Variants in DCLK1 observed in about 807,000 individuals in gnomAD.
DCLK1 encodes doublecortin like kinase 1.
A neutral mutation model predicts 86.2 loss-of-function variants in DCLK1; 16 were observed. The observed-to-expected ratio is 0.19, with a 90% CI of 0.13 to 0.28. The LOEUF is 0.28. Among genes scored for constraint, DCLK1 ranks in the 10% least tolerant of loss-of-function variants. The pLI, the probability that DCLK1 is intolerant of heterozygous loss-of-function variation, is 1.00. For synonymous variants in DCLK1, 369 were observed against 370.5 expected, an observed-to-expected ratio of 1.00 and a Z score of 0.05; for missense variants, 590 against 940.2, an observed-to-expected ratio of 0.63 and a Z score of 4.87.
At chr13:35,851,028 G>A (rs1035302023) in intron 6 of DCLK1, among the ~76,000 whole-genome samples, 8 of 152,152 alleles carry the variant, frequency 5.3e-5, no homozygotes, top group African/African-American at 1.4e-4. Context: ...CTTGATGCCC[G>A]TTGAGTTGCA....
At chr13:35,905,194 T>C (rs1874612831) in intron 4 of DCLK1, among the ~76,000 whole-genome samples, 1 of 152,172 alleles carries the variant, frequency 6.6e-6, no homozygotes, top group Non-Finnish European at 1.5e-5. Context: ...TTGTGGTTAG[T>C]CAAAGACCCC....
intron 16 of DCLK1, among the ~76,000 whole-genome samples, chr13:35,791,286 A>C (rs1431671088): frequency 6.6e-6 from 1 of 152,102 alleles, no homozygotes; most frequent in East Asian, 1.9e-4. Context: ...AAAAAAAAAA[A>C]AACCTCTGCA....
intron 3 of DCLK1, among the ~76,000 whole-genome samples, chr13:36,077,287 T>C (rs1173916984): frequency 6.6e-6 from 1 of 152,304 alleles, no homozygotes; most frequent in Non-Finnish European, 1.5e-5. Flanking sequence ...ACATAATTAT[T>C]TTCCAGCCTA....
Position 35,959,854 on chromosome 13 carries a change from C to CATGT in DCLK1, c.724-12398_724-12397insACAT, listed in dbSNP as rs1453302468. 1.6e-3 allele frequency among the ~76,000 whole-genome samples: 246 copies of CATGT among 149,408 alleles called. 2 individuals carry two copies. Among genetic ancestry groups the CATGT allele is most frequent in the African/African-American group, 5.7e-3 (230 of 40,436 alleles). Reference sequence around the variant, plus strand: ...TCATGAAAAAACCAATACAGCAAGTCGTGTGTGTGTGTGTGTGTGTGTGTG... The same window carrying CATGT: ...TCATGAAAAAACCAATACAGCAAGTCATGTGTGTGTGTGTGTGTGTGTGTGTGTG... On this transcript the variant is annotated intron_variant, in intron 3 of 16. Transcript: ENST00000360631.
intron 7 of DCLK1, among the ~76,000 whole-genome samples, chr13:35,838,147 G>C (rs760412687): frequency 4.6e-5 from 7 of 151,668 alleles, no homozygotes; most frequent in Non-Finnish European, 1.0e-4. Context: ...TTCATTCAAA[G>C]GATACAAAAC....
chr13:35,970,604 A>G (rs1879015678), intron 3 of DCLK1, among the ~76,000 whole-genome samples: 1 of 152,138 alleles, frequency 6.6e-6, no homozygotes. Flanking sequence ...CCATGTGAAG[A>G]ATAGTGTTCC....
chr13:35,957,330 C>T (rs1485261660), intron 3 of DCLK1, among the ~76,000 whole-genome samples: 1 of 152,108 alleles, frequency 6.6e-6, no homozygotes, highest in Non-Finnish European at 1.5e-5. Context: ...TTTAAAGCAA[C>T]TCATTGTTCT....
chr13:35,899,280 T>TGA (rs1292105348), intron 4 of DCLK1, among the ~76,000 whole-genome samples: 4 of 151,552 alleles, frequency 2.6e-5, no homozygotes, highest in Non-Finnish European at 5.9e-5. Flanking sequence ...GATAATAATA[T>TGA]GAGAGAGAGA....
intron 3 of DCLK1, among the ~76,000 whole-genome samples, chr13:36,048,930 T>C (rs1322075467): frequency 1.3e-5 from 2 of 152,180 alleles, no homozygotes; most frequent in Non-Finnish European, 2.9e-5. Context: ...ATCTATCCAG[T>C]AGCATTGCTG....
intron 3 of DCLK1, among the ~76,000 whole-genome samples, chr13:35,983,129 A>G (rs901587572): frequency 1.3e-5 from 2 of 150,662 alleles, no homozygotes; most frequent in Admixed American, 1.3e-4. Flanking sequence ...CTTTATTATT[A>G]TTATTATTAT....
chr13:36,121,176 G>GTCAGTAAAAGACT (rs1026099601), intron 2 of DCLK1, among the ~76,000 whole-genome samples: 1 of 152,182 alleles, frequency 6.6e-6, no homozygotes, highest in Non-Finnish European at 1.5e-5. Context: ...GTACTATGAA[G>GTCAGTAAAAGACT]TCAGTAAAAG....
intron 4 of DCLK1, among the ~76,000 whole-genome samples, chr13:35,878,406 C>T (rs569102204): frequency 6.6e-6 from 1 of 152,128 alleles, no homozygotes; most frequent in South Asian, 2.1e-4. Flanking sequence ...CATCCTACTG[C>T]CTGTGGGGTT....
chr13:35,803,710 T>G (rs1052077689), intron 15 of DCLK1, among the ~76,000 whole-genome samples: 1 of 152,220 alleles, frequency 6.6e-6, no homozygotes, highest in African/African-American at 2.4e-5. Context: ...AAGCTTTTGT[T>G]GTTTTGGAAA....
intron 16 of DCLK1, among the ~76,000 whole-genome samples, chr13:35,792,181 G>A (rs911920401): frequency 6.6e-6 from 1 of 152,192 alleles, no homozygotes; most frequent in Non-Finnish European, 1.5e-5. Flanking sequence ...TTACACATGT[G>A]CCAGTTGCTC....
chr13:35,946,415 G>A (rs1877383577), intron 4 of DCLK1, among the ~76,000 whole-genome samples: 1 of 152,198 alleles, frequency 6.6e-6, no homozygotes, highest in African/African-American at 2.4e-5. Flanking sequence ...TGCAGTGTTG[G>A]AGTGAGACCA....
At chr13:35,774,993 C>A (rs1281781188) in intron 16 of DCLK1, among the ~76,000 whole-genome samples, 1 of 152,076 alleles carries the variant, frequency 6.6e-6, no homozygotes, top group Non-Finnish European at 1.5e-5. Context: ...ATTTATTTAC[C>A]CTTGGTGGCT....
At chr13:35,971,325 C>T (rs1879048248) in intron 3 of DCLK1, among the ~76,000 whole-genome samples, 1 of 152,226 alleles carries the variant, frequency 6.6e-6, no homozygotes, top group South Asian at 2.1e-4. Context: ...CGCACAAGAG[C>T]TCTGCCATTT....
chr13:36,052,459 G>A (rs1230672516), intron 3 of DCLK1, among the ~76,000 whole-genome samples: 3 of 152,070 alleles, frequency 2.0e-5, no homozygotes, highest in African/African-American at 7.2e-5. Flanking sequence ...CAAAATCTGA[G>A]TAATAAAAAT....
At chr13:36,082,899 C>T (rs1884468235) in intron 3 of DCLK1, among the ~76,000 whole-genome samples, 1 of 152,118 alleles carries the variant, frequency 6.6e-6, no homozygotes, top group Non-Finnish European at 1.5e-5. Flanking sequence ...AAAGAGATGG[C>T]TGCAGTTAGA....
Sources: gnomAD v4.1 joint callset for allele counts (sites outside exome capture counted in the v4.1 genomes callset) on GRCh38, gnomAD v4.1.1 for gene constraint, MANE v1.5 for transcripts, NCBI Gene and HGNC (gene_info 2026-07-23, HGNC 2026-07-21) for gene names.